AKT2: variants seen among roughly 807,000 people sequenced by gnomAD.
AKT2 encodes the protein RAC-beta serine/threonine-protein kinase.
In AKT2, 16 loss-of-function variants were observed where a neutral mutation model predicts 58.6. The ratio of observed to expected loss-of-function variants is 0.27; its 90% CI spans 0.18 to 0.41. The LOEUF (loss-of-function observed/expected upper bound fraction) is 0.41, where lower values mean the gene tolerates loss of function less well. AKT2 is among the 10% of genes least tolerant of loss of function. AKT2 has a pLI of 1.00. For missense variants in AKT2, 438 were observed against 661.0 expected (o/e 0.66, Z 3.70); for synonymous variants, 253 against 254.0 (o/e 1.00, Z 0.04).
At position 40,238,582 on chromosome 19, in the gene AKT2, C is replaced by T. The variant is rs1194235690; in HGVS notation, c.708+323G>A. ...GAACGGAGGGCTGCTAGGTTTTAAC[C>T]CTTGGGGGCTTTCTCTGGGGCCTTT... On this transcript the variant is annotated intron_variant, in intron 8 of 13. Coordinates refer to ENST00000392038, the MANE Select transcript of AKT2 (RefSeq NM_001626.6). This position sits in a 1 kb window ranked among gnomAD's most constrained non-coding sequence, Gnocchi z 5.1. 6.6e-6 allele frequency among the ~76,000 whole-genome samples: 1 copy of T among 152,128 alleles called. No homozygotes were observed. Among genetic ancestry groups the T allele is most frequent in the Non-Finnish European group, 1.5e-5 (1 of 68,014 alleles).
chr19:40,244,094 A>ATAAT (rs1555769841), intron 4 of AKT2: 5 of 144,530 alleles, frequency 3.5e-5, no homozygotes, highest in Non-Finnish European at 7.6e-5. Flanking sequence ...AATAATAATA[A>ATAAT]AATAAAGAAC....
chr19:40,260,407 G>A (rs559980173), intron 2 of AKT2, among the ~76,000 whole-genome samples: 2 of 151,916 alleles, frequency 1.3e-5, no homozygotes, highest in South Asian at 2.1e-4. Context: ...CGAGGTGGGC[G>A]GATCCCAAGG....
chr19:40,236,504 G>C (rs1167093112), intron 9 of AKT2, 119 bp from the exon 10 acceptor site: 1 of 1,395,074 alleles, frequency 7.2e-7, no homozygotes, highest in Non-Finnish European at 9.9e-7. Flanking sequence ...ATGCCAGGCT[G>C]GGCCCAGCAC....
chr19:40,275,312 A>G (rs1293780452), intron 1 of AKT2: 9 of 456,290 alleles, frequency 2.0e-5, no homozygotes, highest in South Asian at 9.3e-5. Flanking sequence ...TGCATGGGGA[A>G]TCCCTGACCC....
chr19:40,267,761 C>A (rs1053038228), intron 1 of AKT2, among the ~76,000 whole-genome samples: 3 of 152,128 alleles, frequency 2.0e-5, no homozygotes, highest in African/African-American at 7.2e-5. Context: ...CGGATGGTAC[C>A]AGCAACAGAA....
chr19:40,234,871 C>G lies in AKT2; in HGVS notation c.1366+174G>C. The stretch of plus-strand genomic sequence containing the variant: ...GCTGCAGTCAATGGCTCCTGGTGGC[C>G]TCACCAGGTCCAAAGAGGACCAACA... On this transcript the variant is annotated intron_variant, in intron 13 of 13. Coordinates refer to ENST00000392038, the MANE Select transcript of AKT2 (RefSeq NM_001626.6). The surrounding 1 kb of genome is among the most constrained non-coding windows in gnomAD (Gnocchi z 4.7). 1.4e-6 allele frequency: 1 copy of G among 714,854 alleles called. No homozygotes were observed. The highest frequency in any genetic ancestry group is 1.5e-5 in the South Asian group (1 of 66,562). The allele number at this position is 714,854 out of a possible 1,614,324, so 44.3% of individuals were successfully genotyped here.
At chr19:40,256,712 G>A (rs1029789392) in intron 3 of AKT2, among the ~76,000 whole-genome samples, 3 of 152,214 alleles carry the variant, frequency 2.0e-5, no homozygotes, top group African/African-American at 7.2e-5. Flanking sequence ...CAAATGCCCT[G>A]GCTTCTCCCT....
rs1974295188 is a variant in AKT2 at position 40,240,063 on chromosome 19, G to C, written c.621C>G (p.Thr207=). The C allele has an allele frequency of 6.2e-7, 1 of 1,614,024 alleles. No individual in the cohort carries two copies. The highest frequency in any genetic ancestry group is 8.5e-7 in the Non-Finnish European group (1 of 1,180,014). The change falls in exon 7 of 14, where the codon ACC becomes ACG. Residue 207 remains threonine, a synonymous_variant. Coordinates refer to ENST00000392038, the MANE Select transcript of AKT2 (RefSeq NM_001626.6). ...TVTESRVLQN[T]RHPFLTALKY... Reference sequence around the variant, plus strand: ...AACTCACAGTGAGGAACGGGTGCCTGGTGTTCTGGAGGACCCGGCTCTCGG... The same window carrying C: ...AACTCACAGTGAGGAACGGGTGCCTCGTGTTCTGGAGGACCCGGCTCTCGG...
intron 1 of AKT2, chr19:40,269,559 C>A (rs920696756): frequency 6.6e-6 from 1 of 152,166 alleles, no homozygotes; most frequent in East Asian, 1.9e-4. Flanking sequence ...CAGTCAAAAT[C>A]AAAGCTCAAT....
At chr19:40,280,953 C>T (rs1411665447) in intron 1 of AKT2, 1 of 152,338 alleles carries the variant, frequency 6.6e-6, no homozygotes, top group Non-Finnish European at 1.5e-5. Context: ...AGGATAGGGA[C>T]TTTGGCAAGT....
chr19:40,275,398 T>C (rs1311975634), intron 1 of AKT2: 3 of 444,540 alleles, frequency 6.7e-6, no homozygotes, highest in Admixed American at 2.4e-5. Context: ...AACCAGTGGG[T>C]CTGCATCAAG....
At position 40,231,879 on chromosome 19, in the gene AKT2, T is replaced by C. The variant is rs1973719131; in HGVS notation, c.*1993A>G. ...GGGTCTGTACTGGAATTTGGGGGCC[T>C]CAAGGCTTCCAGGTGGCAGCATAAA... is the stretch of plus-strand genomic sequence containing the variant. On this transcript the variant is annotated 3_prime_UTR_variant, in exon 14 of 14. Transcript: ENST00000392038. 2 of 233,266 alleles carry C rather than the reference T, an allele frequency of 8.6e-6. No homozygotes were observed. The highest frequency in any genetic ancestry group is 3.6e-4 in the South Asian group (2 of 5,528). The allele number at this position is 233,266 out of a possible 1,614,324, so 14.4% of individuals were successfully genotyped here.
rs1349402902 is a variant in AKT2, at chr19:40,232,144, G to A, written c.*1728C>T. The A allele has an allele frequency of 1.3e-5, 3 of 233,676 alleles. No homozygotes were observed. The highest frequency in any genetic ancestry group is 1.7e-5 in the Non-Finnish European group (2 of 118,472). The allele number at this position is 233,676 out of a possible 1,614,324, so 14.5% of individuals were successfully genotyped here. A position where few individuals can be genotyped will look rare whatever the true frequency, so the allele number is the denominator to read the frequency against. On this transcript the variant is annotated 3_prime_UTR_variant, in exon 14 of 14. Transcript: ENST00000392038. ...CCTTCCCATACCCCTCAGCCCCACAGCACCAGCTCCACCCACCCTCTCCAG... is the reference window on the plus strand; with the variant it reads ...CCTTCCCATACCCCTCAGCCCCACAACACCAGCTCCACCCACCCTCTCCAG...
In AKT2 at chr19:40,238,879, G is replaced by A. The variant is rs1203701288; in HGVS notation, c.708+26C>T. ...ACCCTAAAGAAGGAGGCCCCAGAGG[G>A]CAAAGTCAAGGCAGCCGCGGCTCAC... On this transcript the variant is annotated intron_variant, in intron 8 of 13. Transcript: ENST00000392038. The surrounding 1 kb of genome is among the most constrained non-coding windows in gnomAD (Gnocchi z 5.1). The A allele has an allele frequency of 1.9e-6, 3 of 1,613,184 alleles. No individual in the cohort carries two copies. The highest frequency in any genetic ancestry group is 2.5e-6 in the Non-Finnish European group (3 of 1,179,250).
intron 7 of AKT2, 105 bp from the exon 8 acceptor site, chr19:40,239,078 G>T: frequency 8.1e-7 from 1 of 1,241,800 alleles, no homozygotes; most frequent in Non-Finnish European, 1.1e-6. Flanking sequence ...CACACACCCT[G>T]CCCTGGCTGG....
intron 2 of AKT2, among the ~76,000 whole-genome samples, chr19:40,263,254 C>T (rs145420497): frequency 4.6e-5 from 7 of 152,336 alleles, no homozygotes; most frequent in East Asian, 1.9e-4. Flanking sequence ...GTGCAGGCCA[C>T]GGGACAGGAG....
intron 1 of AKT2, among the ~76,000 whole-genome samples, chr19:40,277,393 G>A (rs2077346535): frequency 6.6e-6 from 1 of 152,124 alleles, no homozygotes; most frequent in Admixed American, 6.5e-5. Flanking sequence ...TGGGCTCTAG[G>A]GCGCCCTGTC....
In AKT2 at chr19:40,256,977, G is replaced by A; in HGVS notation, c.124C>T (p.Pro42Ser). 2.5e-6 allele frequency: 4 copies of A among 1,614,196 alleles called. No homozygotes were observed. The highest frequency in any genetic ancestry group is 1.3e-5 in the African/African-American group (1 of 75,050). Residue 42 changes from proline to serine, a missense_variant, in exon 3 of 14, where the codon CCC (proline) becomes TCC (serine). Pro to Ser is a moderately conservative substitution (Grantham distance 74). This residue lies in a region of AKT2 where 244 missense variants were observed against 347.1 expected (regional missense o/e 0.70). Transcript: ENST00000392038. Reference sequence around the variant, plus strand: ...GGTAGAGTCTGATCAGGGGCCTCGGGCCTCTCCTTGTACCCAATGAAGGAG... The same window carrying A: ...GGTAGAGTCTGATCAGGGGCCTCGGACCTCTCCTTGTACCCAATGAAGGAG... Reference protein sequence around the residue: ...DGSFIGYKERPEAPDQTLPPL... With the variant: ...DGSFIGYKERSEAPDQTLPPL...
chr19:40,257,648 G>C (rs1392302212), intron 2 of AKT2, among the ~76,000 whole-genome samples: 4 of 150,662 alleles, frequency 2.7e-5, no homozygotes, highest in Non-Finnish European at 4.4e-5. Flanking sequence ...AGCTGCTAAG[G>C]ATTAAAAGGA....
Sources: gnomAD v4.1 joint callset for allele counts (sites outside exome capture counted in the v4.1 genomes callset) on GRCh38, gnomAD v4.1.1 for gene constraint, gnomAD v4.1.1 regional missense constraint, Gnocchi (gnomAD v3.1) non-coding constraint, MANE v1.5 for transcripts, NCBI Gene and HGNC (gene_info 2026-07-23, HGNC 2026-07-21) for gene names.